Variants in KLHL25 observed in about 807,000 individuals in gnomAD.
The protein encoded by KLHL25 is kelch-like protein 25.
KLHL25 carries 41 observed loss-of-function variants against 30.0 expected under a neutral mutation model. The ratio of observed to expected loss-of-function variants is 1.37; its 90% CI spans 1.07 to 1.78. The LOEUF is 1.78. KLHL25 is among the 40% of genes most tolerant of loss of function. The pLI, the probability that KLHL25 is intolerant of heterozygous loss-of-function variation, is 0.00. For missense variants in KLHL25, 971 were observed against 824.5 expected (o/e 1.18, Z -2.18); for synonymous variants, 399 against 355.3 (o/e 1.12, Z -1.38).
chr15:85,775,792 T>C (rs888042442), intron 1 of KLHL25, among the ~76,000 whole-genome samples: 3 of 147,548 alleles, frequency 2.0e-5, no homozygotes, highest in African/African-American at 7.5e-5. Context: ...CCTGCCTGGG[T>C]TGCAGAGGCT....
intron 1 of KLHL25, among the ~76,000 whole-genome samples, chr15:85,794,502 A>G (rs2089838993): frequency 6.6e-6 from 1 of 152,088 alleles, no homozygotes; most frequent in Non-Finnish European, 1.5e-5. Context: ...CGCAACATCC[A>G]TTTGCCAAAC....
At position 85,768,774 on chromosome 15, in the gene KLHL25, C is replaced by G. The variant is rs753640428; in HGVS notation, c.1037G>C (p.Gly346Ala). The G allele has an allele frequency of 4.3e-6, 7 of 1,613,116 alleles. No individual in the cohort carries two copies. The highest frequency in any genetic ancestry group is 3.3e-5 in the South Asian group (3 of 91,084). The stretch of plus-strand genomic sequence containing the variant: ...GACCCCGTTCTCGGAGCCCCTGCCC[C>G]CCGTCACATAGACCTTGCAGCCGAT... ...SAIGCKVYVT[G>A]GRGSENGVSK... Residue 346 changes from glycine to alanine, a missense_variant, in exon 2 of 3, where the codon GGG becomes GCG. Transcript: ENST00000337975.
intron 1 of KLHL25, chr15:85,770,697 A>T: frequency 2.6e-6 from 1 of 386,528 alleles, no homozygotes; most frequent in South Asian, 1.9e-5. Flanking sequence ...TGCCTCAGCA[A>T]AGCAGAGAAA....
chr15:85,766,882 G>C (rs2089629138), intron 2 of KLHL25, among the ~76,000 whole-genome samples: 2 of 152,202 alleles, frequency 1.3e-5, no homozygotes, highest in South Asian at 4.1e-4. Flanking sequence ...AGGAGAAACA[G>C]GACTCAAACC....
At chr15:85,786,902 C>T (rs1406018179) in intron 1 of KLHL25, among the ~76,000 whole-genome samples, 1 of 152,164 alleles carries the variant, frequency 6.6e-6, no homozygotes, top group Non-Finnish European at 1.5e-5. Flanking sequence ...GCAAAAAATA[C>T]AGCAGCCTAG....
chr15:85,794,170 T>G (rs549416296), intron 1 of KLHL25, among the ~76,000 whole-genome samples: 1 of 152,128 alleles, frequency 6.6e-6, no homozygotes, highest in African/African-American at 2.4e-5. Context: ...GGTGGACAGG[T>G]GGGTGTGCCT....
intron 1 of KLHL25, among the ~76,000 whole-genome samples, chr15:85,778,530 G>C (rs1482738046): frequency 6.6e-6 from 1 of 152,170 alleles, no homozygotes; most frequent in East Asian, 1.9e-4. Flanking sequence ...GCATTTCACA[G>C]CTTAGGAAAC....
intron 1 of KLHL25, among the ~76,000 whole-genome samples, chr15:85,785,756 C>T (rs903860386): frequency 2.6e-5 from 4 of 152,174 alleles, no homozygotes; most frequent in African/African-American, 9.7e-5. Flanking sequence ...CCAGCCAAAC[C>T]CTGGCATTTT....
At chr15:85,778,482 A>G (rs2089724326) in intron 1 of KLHL25, among the ~76,000 whole-genome samples, 1 of 152,172 alleles carries the variant, frequency 6.6e-6, no homozygotes, top group African/African-American at 2.4e-5. Flanking sequence ...GTGTTAACTC[A>G]CCTCATCCCT....
intron 1 of KLHL25, among the ~76,000 whole-genome samples, chr15:85,782,616 G>A (rs1029966827): frequency 7.9e-5 from 12 of 151,870 alleles, no homozygotes; most frequent in Middle Eastern, 3.4e-3. Flanking sequence ...TACATTTGTC[G>A]GGTATGTGGA....
At chr15:85,792,766 T>C (rs1172071709) in intron 1 of KLHL25, among the ~76,000 whole-genome samples, 1 of 152,154 alleles carries the variant, frequency 6.6e-6, no homozygotes, top group Non-Finnish European at 1.5e-5. Context: ...ACACCTCGAA[T>C]CTGGGCGATG....
intron 1 of KLHL25, among the ~76,000 whole-genome samples, chr15:85,780,385 G>A (rs2089735525): frequency 6.6e-6 from 1 of 152,176 alleles, no homozygotes; most frequent in Non-Finnish European, 1.5e-5. Context: ...AAGCAAACGT[G>A]GCCTCCTGAG....
chr15:85,785,180 G>A (rs2089773156), intron 1 of KLHL25, among the ~76,000 whole-genome samples: 1 of 140,574 alleles, frequency 7.1e-6, no homozygotes, highest in African/African-American at 2.7e-5. Context: ...TGCCAGCTCC[G>A]CCTCCCGGGT....
rs201991885 is a variant in KLHL25, at chr15:85,769,609, T to C, written c.202A>G (p.Ser68Gly). The C allele has an allele frequency of 4.3e-6, 7 of 1,613,290 alleles. No individual in the cohort carries two copies. The highest frequency in any genetic ancestry group is 2.2e-5 in the South Asian group (2 of 91,084). Reference protein sequence around the residue: ...PCHRAVLAASSRYFEAMFSHG... With the variant: ...PCHRAVLAASGRYFEAMFSHG... The stretch of plus-strand genomic sequence containing the variant: ...CTGAACATGGCCTCAAAATAGCGGC[T>C]AGAGGCGGCCAGCACGGCACGGTGA... Residue 68 changes from serine (S) to glycine (G), a missense_variant, in exon 2 of 3, where the codon AGC becomes GGC. Ser to Gly is a moderately conservative substitution (Grantham distance 56). Coordinates refer to ENST00000337975, the MANE Select transcript of KLHL25 (RefSeq NM_022480.4).
chr15:85,772,325 C>T (rs1486851690), intron 1 of KLHL25, among the ~76,000 whole-genome samples: 8 of 152,218 alleles, frequency 5.3e-5, no homozygotes, highest in Non-Finnish European at 1.2e-4. Context: ...TGTCAACACA[C>T]TTGTGCTTCC....
chr15:85,779,019 T>C (rs903900051), intron 1 of KLHL25, among the ~76,000 whole-genome samples: 4 of 151,288 alleles, frequency 2.6e-5, no homozygotes, highest in Non-Finnish European at 5.9e-5. Flanking sequence ...AGGCAACGTA[T>C]GGATTTGGCC....
At chr15:85,773,406 C>T (rs916181170) in intron 1 of KLHL25, among the ~76,000 whole-genome samples, 1 of 152,250 alleles carries the variant, frequency 6.6e-6, no homozygotes, top group Non-Finnish European at 1.5e-5. Context: ...CGACACCTGA[C>T]ATGTGGTAAA....
intron 2 of KLHL25, among the ~76,000 whole-genome samples, chr15:85,767,565 G>A (rs1195853857): frequency 1.3e-5 from 2 of 152,166 alleles, no homozygotes; most frequent in Non-Finnish European, 2.9e-5. Flanking sequence ...CTGTAACTGT[G>A]AGCATAACAG....
At chr15:85,778,583 G>C (rs560772937) in intron 1 of KLHL25, among the ~76,000 whole-genome samples, 1 of 152,308 alleles carries the variant, frequency 6.6e-6, no homozygotes, top group East Asian at 1.9e-4. Context: ...GCTACGCAAG[G>C]AGTGGGGGCA....
Sources: gnomAD v4.1 joint callset for allele counts (sites outside exome capture counted in the v4.1 genomes callset) on GRCh38, gnomAD v4.1.1 for gene constraint, MANE v1.5 for transcripts, NCBI Gene and HGNC (gene_info 2026-07-23, HGNC 2026-07-21) for gene names.